TRPM1: variants seen among roughly 807,000 people sequenced by gnomAD.
The protein encoded by TRPM1 is TRPM1-203 APA Isoform, Intron 10.
TRPM1 carries 113 observed loss-of-function variants against 149.4 expected under a neutral mutation model. The observed-to-expected ratio is 0.76, with a 90% CI of 0.65 to 0.88. The LOEUF is 0.88. Ranked by LOEUF, TRPM1 falls within the 40% of genes least tolerant of loss-of-function variation. TRPM1 has a pLI of 0.00. For missense variants in TRPM1, 1,976 were observed against 2,038.7 expected (o/e 0.97, Z 0.59); for synonymous variants, 741 against 759.5 (o/e 0.98, Z 0.40).
chr15:31,053,257 T>C (rs1021516491), intron 11 of TRPM1, among the ~76,000 whole-genome samples: 1 of 152,072 alleles, frequency 6.6e-6, no homozygotes, highest in Non-Finnish European at 1.5e-5. Flanking sequence ...TCTTTTTTTT[T>C]CCTTTTATTT....
intron 27 of TRPM1, among the ~76,000 whole-genome samples, chr15:31,022,727 A>G (rs1384764676): frequency 1.3e-5 from 2 of 152,208 alleles, no homozygotes; most frequent in African/African-American, 4.8e-5. Context: ...AGAAATTTAT[A>G]TTCGAATCAG....
intron 3 of TRPM1, among the ~76,000 whole-genome samples, chr15:31,072,018 T>TATATATATAGAGAGAGAGAGAG (rs1400392427): frequency 5.4e-5 from 2 of 36,908 alleles, no homozygotes; most frequent in Admixed American, 4.2e-4. Context: ...TATATATATA[T>TATATATATAGAGAGAGAGAGAG]AGAGAGAGAG....
intron 2 of TRPM1, among the ~76,000 whole-genome samples, chr15:31,077,853 G>A (rs866833736): frequency 5.3e-5 from 8 of 151,806 alleles, no homozygotes; most frequent in African/African-American, 9.7e-5. Flanking sequence ...GGGTGTGTGC[G>A]CACGCATGTG....
intron 1 of TRPM1, among the ~76,000 whole-genome samples, chr15:31,147,571 G>A (rs745865684): frequency 6.6e-6 from 1 of 152,234 alleles, no homozygotes; most frequent in Non-Finnish European, 1.5e-5. Flanking sequence ...TTTGGACTAA[G>A]GATTCCCAGT....
In TRPM1 at chr15:31,002,937, T is replaced by G. The variant is rs746598896; in HGVS notation, c.3763A>C (p.Asn1255His). Residue 1255 changes from asparagine (N) to histidine (H), a missense_variant, in exon 28 of 28, where the codon AAT becomes CAT. Asn to His is a moderately conservative substitution (Grantham distance 68, BLOSUM62 1). Coordinates refer to ENST00000256552, the MANE Select transcript of TRPM1 (RefSeq NM_001252024.2). ...LSNRMVNALE[N>H]LAGIDRSDLI... ...TCAGACCTGTCGATTCCCGCAAGAT[T>G]TTCAAGAGCATTCACCATTCTGTTA... The G allele has an allele frequency of 6.2e-7, 1 of 1,602,856 alleles. No individual in the cohort carries two copies. The highest frequency in any genetic ancestry group is 1.1e-5 in the South Asian group (1 of 89,954).
chr15:31,022,280 T>G (rs770836514), intron 27 of TRPM1, among the ~76,000 whole-genome samples: 1 of 152,184 alleles, frequency 6.6e-6, no homozygotes, highest in Non-Finnish European at 1.5e-5. Flanking sequence ...TTGCCAAATA[T>G]TCTCCTGGAG....
chr15:31,132,103 C>T (rs551120912), intron 1 of TRPM1, among the ~76,000 whole-genome samples: 2 of 152,314 alleles, frequency 1.3e-5, no homozygotes, highest in East Asian at 1.9e-4. Flanking sequence ...GGCCATTACG[C>T]GGATTACCCC....
At chr15:31,141,515 C>G (rs1449431222) in intron 1 of TRPM1, among the ~76,000 whole-genome samples, 1 of 151,972 alleles carries the variant, frequency 6.6e-6, no homozygotes, top group African/African-American at 2.4e-5. Context: ...GCAAGGCAGA[C>G]AGAAACCAGT....
intron 3 of TRPM1, among the ~76,000 whole-genome samples, chr15:31,072,979 T>C (rs2034599432): frequency 6.6e-6 from 1 of 152,182 alleles, no homozygotes; most frequent in South Asian, 2.1e-4. Flanking sequence ...CTTTCCACTT[T>C]CTTGATAGCG....
intron 1 of TRPM1, among the ~76,000 whole-genome samples, chr15:31,154,596 C>T (rs2036343724): frequency 6.6e-6 from 1 of 152,212 alleles, no homozygotes; most frequent in African/African-American, 2.4e-5. Flanking sequence ...AAGACTATAA[C>T]AGCCCTTTCC....
chr15:31,007,562 G>A (rs1249657917), intron 27 of TRPM1, among the ~76,000 whole-genome samples: 2 of 152,118 alleles, frequency 1.3e-5, no homozygotes, highest in African/African-American at 2.4e-5. Flanking sequence ...AGTGCTTCGG[G>A]AGACTGAGGT....
intron 16 of TRPM1, among the ~76,000 whole-genome samples, chr15:31,044,460 G>A (rs1163506702): frequency 6.6e-6 from 1 of 152,132 alleles, no homozygotes; most frequent in East Asian, 1.9e-4. Context: ...GAAAATAGGA[G>A]ATATAAATTT....
At chr15:31,074,887 C>T (rs1437726986) in intron 3 of TRPM1, among the ~76,000 whole-genome samples, 2 of 152,106 alleles carry the variant, frequency 1.3e-5, no homozygotes, top group Non-Finnish European at 2.9e-5. Context: ...TTTCCATTTA[C>T]CTAAAAGTAT....
intron 11 of TRPM1, among the ~76,000 whole-genome samples, chr15:31,053,430 T>TTC (rs1443720063): frequency 6.6e-6 from 1 of 151,442 alleles, no homozygotes. Flanking sequence ...TTTTTTTTTT[T>TTC]TTCTGTATTT....
At position 31,033,551 on chromosome 15, in the gene TRPM1, C is replaced by T. The variant is rs117437050; in HGVS notation, c.2701-611G>A. Among the ~76,000 whole-genome samples the T allele has an allele frequency of 7.4e-3, 1,129 of 152,334 alleles. 5 individuals are homozygous for T. Among genetic ancestry groups the T allele is most frequent in the Non-Finnish European group, 0.012 (811 of 68,034 alleles). ...CGTGCGCAGAGCCTTCCCAATGGCA[C>T]AGCTGTCTGTGGTACCACACTGGGA... On this transcript the variant is annotated intron_variant, in intron 21 of 27. Coordinates refer to ENST00000256552, the MANE Select transcript of TRPM1 (RefSeq NM_001252024.2).
At chr15:31,125,192 A>C (rs1241163271) in intron 1 of TRPM1, among the ~76,000 whole-genome samples, 1 of 101,318 alleles carries the variant, frequency 9.9e-6, no homozygotes, top group African/African-American at 4.8e-5. Context: ...AACAAAACAA[A>C]ACAAAAAACA....
chr15:31,151,055 C>G (rs1207676718), intron 1 of TRPM1, among the ~76,000 whole-genome samples: 1 of 152,176 alleles, frequency 6.6e-6, no homozygotes, highest in Non-Finnish European at 1.5e-5. Context: ...ACTGCAAAAA[C>G]AGCAACCCAT....
In TRPM1 at chr15:31,147,275, G is replaced by C. The variant is rs576896072; in HGVS notation, c.54+13631C>G. ...TGCGCACACGTTTATCTTTATTAAAGCACCTCAGTGGGCTTGCAGAGAAAA... is the reference window on the plus strand; with the variant it reads ...TGCGCACACGTTTATCTTTATTAAACCACCTCAGTGGGCTTGCAGAGAAAA... On this transcript the variant is annotated intron_variant, in intron 1 of 26. Coordinates refer to the TRPM1 transcript ENST00000542188. Among the ~76,000 whole-genome samples the C allele has an allele frequency of 2.6e-5, 4 of 152,342 alleles. No individual in the cohort carries two copies. The South Asian group carries it at 8.3e-4, about 32-fold the overall frequency.
chr15:31,034,923 T>C (rs2033279961), intron 21 of TRPM1, among the ~76,000 whole-genome samples: 3 of 152,268 alleles, frequency 2.0e-5, no homozygotes, highest in Admixed American at 6.5e-5. Context: ...TCATTCAAGA[T>C]GTATACATCT....
Sources: allele counts gnomAD v4.1 joint callset (sites outside exome capture counted in the v4.1 genomes callset), GRCh38; gene constraint gnomAD v4.1.1; transcripts MANE v1.5; gene names NCBI Gene and HGNC (gene_info 2026-07-23, HGNC 2026-07-21).